CLCN6: variants seen among roughly 807,000 people sequenced by gnomAD.
The protein encoded by CLCN6 is Cl-/H+ antiporter 6.
CLCN6 carries 70 observed loss-of-function variants against 109.8 expected under a neutral mutation model. That is an observed-to-expected ratio of 0.64 (90% CI 0.53 to 0.78). The LOEUF is 0.78. Ranked by LOEUF, CLCN6 falls within the 30% of genes least tolerant of loss-of-function variation. CLCN6 has a pLI of 0.00. For missense variants in CLCN6, 984 were observed against 1,142.3 expected (o/e 0.86, Z 2.00); for synonymous variants, 444 against 447.8 (o/e 0.99, Z 0.11).
At chr1:11,822,590 C>T (rs1289231964) in intron 5 of CLCN6, 105 bp from the exon 6 acceptor site, 1 of 676,590 alleles carries the variant, frequency 1.5e-6, no homozygotes, top group Non-Finnish European at 2.6e-6. Flanking sequence ...AAAAAGTGCA[C>T]TCAGCAGCCA....
At position 11,819,529 on chromosome 1, in the gene CLCN6, A is replaced by C. The variant is rs140118680; in HGVS notation, c.321A>C (p.Gln107His). The C allele has an allele frequency of 6.2e-7, 1 of 1,614,126 alleles. No homozygotes were observed. Among genetic ancestry groups the C allele is most frequent in the Admixed American group, 1.7e-5 (1 of 60,012 alleles). Residue 107 changes from glutamine to histidine, a missense_variant, in exon 5 of 23, where the codon CAA becomes CAC. Transcript: ENST00000346436. Reference protein sequence around the residue: ...FVDFFVRLFTQLKFGVVQTSV... With the variant: ...FVDFFVRLFTHLKFGVVQTSV... ...ACTTTTTTGTGCGACTCTTCACCCA[A>C]CTCAAGTTCGGAGTGGTACAGACAT...
At chr1:11,829,360 C>A (rs148061144) in intron 13 of CLCN6, 38 bp downstream of exon 13, 15 of 1,612,268 alleles carry the variant, frequency 9.3e-6, no homozygotes, top group Non-Finnish European at 1.3e-5. Flanking sequence ...TCCCATACCA[C>A]GAGGAAGAAT....
intron 1 of CLCN6, 161 bp from the exon 2 acceptor site, chr1:11,806,970 A>C (rs970010571): frequency 3.2e-6 from 2 of 632,630 alleles, no homozygotes; most frequent in Non-Finnish European, 5.6e-6. Context: ...ATCCTCACCC[A>C]CATGGTCCCT....
chr1:11,834,724 C>G lies in CLCN6; in HGVS notation c.1793+134C>G. On this transcript the variant is annotated intron_variant, in intron 17 of 22. Coordinates refer to ENST00000346436, the MANE Select transcript of CLCN6 (RefSeq NM_001286.5). This position sits in a 1 kb window ranked among gnomAD's most constrained non-coding sequence, Gnocchi z 4.5. ...AAGAAGCAACACACCCATTCCTGAG[C>G]ATGTGTGAGAATGTGGAGCAGCCCA... is the stretch of plus-strand genomic sequence containing the variant. 1.3e-6 allele frequency: 1 copy of G among 790,046 alleles called. No individual in the cohort carries two copies. The highest frequency in any genetic ancestry group is 1.7e-5 in the South Asian group (1 of 58,446). 48.9% of individuals were successfully genotyped at this position (790,046 alleles called of 1,614,324 possible).
intron 20 of CLCN6, 134 bp from the exon 21 acceptor site, chr1:11,838,201 C>T (rs752479488): frequency 8.4e-5 from 65 of 772,464 alleles, no homozygotes; most frequent in Non-Finnish European, 1.3e-4. Context: ...CACTCTGGAG[C>T]GCTTGCTGCT....
rs1232227639 is a variant in CLCN6 at position 11,836,009 on chromosome 1, C to A, written c.1836C>A (p.Val612=). Residue 612 remains valine (V), a synonymous_variant, in exon 18 of 23, where the codon GTC becomes GTA. Coordinates refer to ENST00000346436, the MANE Select transcript of CLCN6 (RefSeq NM_001286.5). ...SDIMEPNLTY[V]YPHTRIQSLV... is the part of the protein sequence containing the mutation. ...TCATGGAGCCCAACCTGACCTACGTCTACCCGCACACCCGCATCCAGTCTC... is the reference window on the plus strand; with the variant it reads ...TCATGGAGCCCAACCTGACCTACGTATACCCGCACACCCGCATCCAGTCTC... The A allele has an allele frequency of 6.2e-7, 1 of 1,614,004 alleles. No homozygotes were observed. Among genetic ancestry groups the A allele is most frequent in the Non-Finnish European group, 8.5e-7 (1 of 1,179,990 alleles).
Position 11,840,281 on chromosome 1 carries a change from C to CTGTGCCCGCCGGAGTGA in CLCN6, c.*58_*59insTGTGCCCGCCGGAGTGA. On this transcript the variant is annotated 3_prime_UTR_variant, in exon 23 of 23. Coordinates refer to ENST00000346436, the MANE Select transcript of CLCN6 (RefSeq NM_001286.5). ...GGGAGGCAAATCATGCTCACTCCGG[C>CTGTGCCCGCCGGAGTGA]GGGCACAGCTGGCTGGGGCTGTTCC... 6.9e-7 allele frequency: 1 copy of CTGTGCCCGCCGGAGTGA among 1,440,976 alleles called. No homozygotes were observed. Among genetic ancestry groups the CTGTGCCCGCCGGAGTGA allele is most frequent in the Non-Finnish European group, 9.7e-7 (1 of 1,030,806 alleles). 89.3% of individuals were successfully genotyped at this position (1,440,976 alleles called of 1,614,324 possible).
chr1:11,835,889 C>A, intron 17 of CLCN6, 78 bp from the exon 18 acceptor site: 1 of 1,401,396 alleles, frequency 7.1e-7, no homozygotes. Flanking sequence ...CTGAGCAGGG[C>A]TGGAGAGCCA....
At chr1:11,822,206 G>A (rs889085659) in intron 5 of CLCN6, among the ~76,000 whole-genome samples, 6 of 152,030 alleles carry the variant, frequency 3.9e-5, no homozygotes, top group Non-Finnish European at 8.8e-5. Context: ...ATGGGTATTC[G>A]TTACTTTTTG....
intron 12 of CLCN6, 116 bp from the exon 13 acceptor site, chr1:11,829,080 C>A: frequency 8.5e-7 from 1 of 1,180,416 alleles, no homozygotes; most frequent in Non-Finnish European, 1.2e-6. Context: ...TGACCAGGGG[C>A]TGCTGTGAAT....
At position 11,838,639 on chromosome 1, in the gene CLCN6, C is replaced by T. The variant is rs560481965; in HGVS notation, c.2508C>T (p.Pro836=). ...LFRTMGLRHL[P]VVNAVGEIVG... is the part of the protein sequence containing the mutation. ...GAACGATGGGCCTGCGCCACCTGCC[C>T]GTGGTGAACGCTGTGGGAGAGGTGA... The change falls in exon 22 of 23, where the codon CCC becomes CCT. Residue 836 remains proline (P), a synonymous_variant. Transcript: ENST00000346436. The T allele has an allele frequency of 3.3e-5, 53 of 1,614,248 alleles. No homozygotes were observed. The highest frequency in any genetic ancestry group is 3.8e-5 in the Non-Finnish European group (45 of 1,180,050).
rs544306428 is a variant in CLCN6, at chr1:11,825,285, C to G, written c.648+732C>G. Among the ~76,000 whole-genome samples, 48 of 152,330 alleles carry G rather than the reference C, an allele frequency of 3.2e-4. No homozygotes were observed. The South Asian group carries it at 9.7e-3, about 31-fold the overall frequency. On this transcript the variant is annotated intron_variant, in intron 8 of 22. Transcript: ENST00000346436. Reference sequence around the variant, plus strand: ...GAAGATTCTTTCGTCCAGAGCTCGTCTTTTGGTCTCTCTCCTGCTACTGCC... The same window carrying G: ...GAAGATTCTTTCGTCCAGAGCTCGTGTTTTGGTCTCTCTCCTGCTACTGCC...
intron 13 of CLCN6, chr1:11,829,711 G>C: frequency 6.0e-6 from 1 of 168,050 alleles, no homozygotes; most frequent in Non-Finnish European, 1.2e-5. Flanking sequence ...GCATCACAGA[G>C]GGGAACCTGG....
rs185963170 is a variant in CLCN6, at chr1:11,828,937, T to A, written c.1122-259T>A. 3.3e-3 allele frequency among the ~76,000 whole-genome samples: 504 copies of A among 152,106 alleles called. 3 individuals carry two copies. The highest frequency in any genetic ancestry group is 0.011 in the African/African-American group (457 of 41,368). On this transcript the variant is annotated intron_variant, in intron 12 of 22. Transcript: ENST00000346436. ...TCAGGAGGCTTCTCGCCCCAGGACT[T>A]ATTATAATGGAAAGCCATTCATTCC... is the stretch of plus-strand genomic sequence containing the variant.
chr1:11,812,847 A>C (rs1238324557), intron 2 of CLCN6, among the ~76,000 whole-genome samples: 1 of 152,024 alleles, frequency 6.6e-6, no homozygotes, highest in African/African-American at 2.4e-5. Flanking sequence ...TAGAAACTGG[A>C]CCTACCAGAG....
rs113089850 is a variant in CLCN6, at chr1:11,822,185, G to A, written c.347-510G>A. 3.6e-3 allele frequency among the ~76,000 whole-genome samples: 543 copies of A among 152,262 alleles called. 1 individual carries two copies. Among genetic ancestry groups the A allele is most frequent in the African/African-American group, 0.013 (524 of 41,540 alleles). On this transcript the variant is annotated intron_variant, in intron 5 of 22. Coordinates refer to ENST00000346436, the MANE Select transcript of CLCN6 (RefSeq NM_001286.5). ...GTTGTTGAGATTTGTTAAAGCTACA[G>A]TTGTGAGGGTATGGGTATTCGTTAC... is the stretch of plus-strand genomic sequence containing the variant.
chr1:11,837,085 G>A lies in CLCN6; in HGVS notation c.2067G>A (p.Met689Ile). The stretch of plus-strand genomic sequence containing the variant: ...ACCCATCCAGCGAGCTACGGAACAT[G>A]TGTGATGAGCACATCGCCTCTGAGG... ...KSYPSSELRN[M>I]CDEHIASEEP... The change falls in exon 19 of 23, where the codon ATG becomes ATA. Residue 689 changes from methionine (M) to isoleucine (I), a missense_variant. Transcript: ENST00000346436. The A allele has an allele frequency of 6.2e-7, 1 of 1,613,548 alleles. No homozygotes were observed. The highest frequency in any genetic ancestry group is 8.5e-7 in the Non-Finnish European group (1 of 1,180,036).
chr1:11,829,267 A>C lies in CLCN6; in HGVS notation c.1193A>C (p.Glu398Ala). 1 of 1,614,080 alleles carries C rather than the reference A, an allele frequency of 6.2e-7. No individual in the cohort carries two copies. The highest frequency in any genetic ancestry group is 8.5e-7 in the Non-Finnish European group (1 of 1,180,010). ...VVFVASMVLG[E>A]CRQMSSSSQI... ...TTTGTGGCCTCGATGGTGTTAGGAG[A>C]ATGCCGACAGATGTCCTCTTCGAGT... The change falls in exon 13 of 23, where the codon GAA (glutamate) becomes GCA (alanine). Residue 398 changes from glutamate to alanine, a missense_variant. Transcript: ENST00000346436.
At chr1:11,830,769 A>G (rs558743729) in intron 13 of CLCN6, among the ~76,000 whole-genome samples, 1 of 139,214 alleles carries the variant, frequency 7.2e-6, no homozygotes, top group East Asian at 2.0e-4. Flanking sequence ...ATATATACAC[A>G]CACACACTAT....
Sources: allele counts gnomAD v4.1 joint callset (sites outside exome capture counted in the v4.1 genomes callset), GRCh38; gene constraint gnomAD v4.1.1; non-coding constraint Gnocchi (gnomAD v3.1); transcripts MANE v1.5; gene names NCBI Gene and HGNC (gene_info 2026-07-23, HGNC 2026-07-21).